The following RB1 variants were observed in gnomAD, a reference collection of about 807,000 sequenced individuals.
The protein encoded by RB1 is RB transcriptional corepressor 1.
In RB1, 18 loss-of-function variants were observed where a neutral mutation model predicts 135.4. The ratio of observed to expected loss-of-function variants is 0.13; its 90% CI spans 0.09 to 0.20. The LOEUF is 0.20. Among genes scored for constraint, RB1 ranks in the 10% least tolerant of loss-of-function variants. RB1 has a pLI of 1.00. For synonymous variants in RB1, 365 were observed against 373.2 expected (o/e 0.98, Z 0.25); for missense variants, 868 against 1,110.0 (o/e 0.78, Z 3.10).
At chr13:48,386,085 T>C (rs1948569588) in intron 17 of RB1, among the ~76,000 whole-genome samples, 1 of 150,044 alleles carries the variant, frequency 6.7e-6, no homozygotes, top group Admixed American at 6.6e-5. Flanking sequence ...TGGTGGCATG[T>C]TCCTGTGGTC....
At chr13:48,391,921 AC>A (rs1273129339) in intron 17 of RB1, among the ~76,000 whole-genome samples, 2 of 152,044 alleles carry the variant, frequency 1.3e-5, no homozygotes, top group Non-Finnish European at 2.9e-5. Context: ...CACCCAGCCA[AC>A]AAAAAACATT....
At chr13:48,459,914 T>TTTCCTTCTTTCCTTCTTTCC in intron 20 of RB1, 81 bp downstream of exon 20, 1 of 484,138 alleles carries the variant, frequency 2.1e-6, no homozygotes, top group Non-Finnish European at 3.5e-6. Flanking sequence ...TCTTTCTTTC[T>TTTCCTTCTTTCCTTCTTTCC]TTCTTTCTTT....
In RB1 at chr13:48,465,008, G is replaced by A. The variant is rs764520289; in HGVS notation, c.2222G>A (p.Arg741His). ...LPHAVQETFK[R>H]VLIKEEEYDS... ...ACTGTTCTTCCTCAGACATTCAAAC[G>A]TGTTTTGATCAAAGAAGAGGAGTAT... The change falls in exon 22 of 27, where the codon CGT becomes CAT. Residue 741 changes from arginine (R) to histidine (H), a missense_variant. By Grantham distance (29) the Arg-to-His change is conservative. This residue lies in a region of RB1 where 196 missense variants were observed against 239.8 expected (regional missense o/e 0.82). Transcript: ENST00000267163. 2.6e-5 allele frequency: 29 copies of A among 1,118,968 alleles called. No individual in the cohort carries two copies. Among genetic ancestry groups the A allele is most frequent in the Non-Finnish European group, 3.3e-5 (26 of 791,618 alleles). The allele number at this position is 1,118,968 out of a possible 1,614,324, so 69.3% of individuals were successfully genotyped here.
intron 6 of RB1, among the ~76,000 whole-genome samples, chr13:48,358,986 C>T (rs1952615251): frequency 6.6e-6 from 1 of 152,034 alleles, no homozygotes; most frequent in African/African-American, 2.4e-5. Flanking sequence ...ATCTAGAAAA[C>T]CTATAAAGAT....
At chr13:48,461,402 A>T (rs1437227206) in intron 20 of RB1, among the ~76,000 whole-genome samples, 1 of 152,206 alleles carries the variant, frequency 6.6e-6, no homozygotes, top group Non-Finnish European at 1.5e-5. Flanking sequence ...CATTATGCTT[A>T]TCATTCATAA....
At chr13:48,318,000 C>T in intron 2 of RB1, 1 of 488,660 alleles carries the variant, frequency 2.0e-6, no homozygotes, top group Non-Finnish European at 3.9e-6. Flanking sequence ...TCACTGTCCA[C>T]TGAACTCCTG....
At chr13:48,355,115 A>C (rs1196287079) in intron 6 of RB1, among the ~76,000 whole-genome samples, 2 of 152,074 alleles carry the variant, frequency 1.3e-5, no homozygotes, top group African/African-American at 4.8e-5. Flanking sequence ...GATACAATGA[A>C]TGAAGTGAAG....
At chr13:48,445,923 A>G (rs1176460024) in intron 17 of RB1, among the ~76,000 whole-genome samples, 1 of 152,150 alleles carries the variant, frequency 6.6e-6, no homozygotes, top group African/African-American at 2.4e-5. Flanking sequence ...ACATATTTTT[A>G]GAGGATTTAG....
chr13:48,407,725 A>C (rs959222637), intron 17 of RB1, among the ~76,000 whole-genome samples: 1 of 152,166 alleles, frequency 6.6e-6, no homozygotes, highest in African/African-American at 2.4e-5. Context: ...CCATGTTATA[A>C]ATGGGTAATT....
At chr13:48,369,606 T>C (rs930387986) in intron 11 of RB1, among the ~76,000 whole-genome samples, 39 of 152,242 alleles carry the variant, frequency 2.6e-4, no homozygotes, top group Admixed American at 1.8e-3. Context: ...CAACCTCATC[T>C]TGTTTTCTTT....
At position 48,476,735 on chromosome 13, in the gene RB1, T is replaced by G. The variant is rs2138359053; in HGVS notation, c.2555T>G (p.Val852Gly). ...AAGTTCCAGAAAATAAATCAGATGGTATGTAACAGCGACCGTGTGCTCAAA... is the reference window on the plus strand; with the variant it reads ...AAGTTCCAGAAAATAAATCAGATGGGATGTAACAGCGACCGTGTGCTCAAA... ...SEKFQKINQM[V>G]CNSDRVLKRS... is the part of the protein sequence containing the mutation. Residue 852 changes from valine (V) to glycine (G), a missense_variant, in exon 25 of 27, where the codon GTA (valine) becomes GGA (glycine). Val to Gly is a moderately radical substitution (Grantham distance 109). Around this residue, in one of 3 missense-constraint regions of RB1, gnomAD observed 196 missense variants for 239.8 expected, o/e 0.82. Transcript: ENST00000267163. 1 of 1,613,486 alleles carries G rather than the reference T, an allele frequency of 6.2e-7. No homozygotes were observed. The highest frequency in any genetic ancestry group is 1.3e-5 in the African/African-American group (1 of 75,022).
intron 20 of RB1, among the ~76,000 whole-genome samples, chr13:48,460,869 G>T (rs1353387886): frequency 6.6e-6 from 1 of 152,152 alleles, no homozygotes; most frequent in Admixed American, 6.5e-5. Flanking sequence ...ACTGAACTGG[G>T]AGGATTTCTT....
intron 10 of RB1, 126 bp from the exon 11 acceptor site, chr13:48,368,397 CCTAT>C (rs1477725176): frequency 5.8e-5 from 68 of 1,181,914 alleles, no homozygotes; most frequent in East Asian, 2.2e-4. Flanking sequence ...TATTTTCTAT[CCTAT>C]CTATTATTGA....
chr13:48,319,873 T>A lies in RB1; in HGVS notation c.264+12467T>A. 1 of 335,560 alleles carries A rather than the reference T, an allele frequency of 3.0e-6. No individual in the cohort carries two copies. The highest frequency in any genetic ancestry group is 7.1e-5 in the East Asian group (1 of 14,054). 20.8% of individuals were successfully genotyped at this position (335,560 alleles called of 1,614,324 possible). A position where few individuals can be genotyped will look rare whatever the true frequency, so the allele number is the denominator to read the frequency against. On this transcript the variant is annotated intron_variant, in intron 2 of 26. Transcript: ENST00000267163. The surrounding 1 kb of genome is among the most constrained non-coding windows in gnomAD (Gnocchi z 5.0). ...GACCGGGAAGGCAGAACCCTAGTCC[T>A]CACTGGATCTCACCTGGCTGCCAGG...
At chr13:48,385,048 T>A (rs558949528) in intron 17 of RB1, among the ~76,000 whole-genome samples, 4 of 152,230 alleles carry the variant, frequency 2.6e-5, no homozygotes, top group Non-Finnish European at 5.9e-5. Flanking sequence ...GAAATTTGGA[T>A]GCCTTAGTTT....
intron 2 of RB1, among the ~76,000 whole-genome samples, chr13:48,329,205 T>C (rs182943738): frequency 6.6e-6 from 1 of 152,194 alleles, no homozygotes; most frequent in Admixed American, 6.5e-5. Context: ...ATTTACCTCA[T>C]TTATATGCAT....
intron 6 of RB1, among the ~76,000 whole-genome samples, chr13:48,352,507 T>C (rs1382200800): frequency 6.6e-6 from 1 of 152,156 alleles, no homozygotes; most frequent in Non-Finnish European, 1.5e-5. Flanking sequence ...TGTTTTTCCA[T>C]GTGTTTGTGT....
At chr13:48,318,537 T>A in intron 2 of RB1, 2 of 833,336 alleles carry the variant, frequency 2.4e-6, no homozygotes, top group Non-Finnish European at 3.7e-6. Flanking sequence ...GGCTGCGCCC[T>A]CCCCTCCCGG....
At chr13:48,354,234 A>C (rs529389010) in intron 6 of RB1, among the ~76,000 whole-genome samples, 16 of 152,316 alleles carry the variant, frequency 1.1e-4, no homozygotes, top group Non-Finnish European at 2.1e-4. Context: ...ATGTTCAGTA[A>C]AGTTGAAGGA....
Sources: gnomAD v4.1 joint callset for allele counts (sites outside exome capture counted in the v4.1 genomes callset) on GRCh38, gnomAD v4.1.1 for gene constraint, gnomAD v4.1.1 regional missense constraint, Gnocchi (gnomAD v3.1) non-coding constraint, MANE v1.5 for transcripts, NCBI Gene and HGNC (gene_info 2026-07-23, HGNC 2026-07-21) for gene names.